The following CLTCL1 variants were observed in gnomAD, a reference collection of about 807,000 sequenced individuals.
CLTCL1 encodes clathrin heavy chain like 1.
CLTCL1 carries 159 observed loss-of-function variants against 190.0 expected under a neutral mutation model. The ratio of observed to expected loss-of-function variants is 0.84; its 90% CI spans 0.74 to 0.95. CLTCL1 has a LOEUF of 0.95. Among genes scored for constraint, CLTCL1 ranks in the 40% least tolerant of loss-of-function variants. CLTCL1 has a pLI of 0.00. For missense variants in CLTCL1, 1,878 were observed against 2,033.4 expected (o/e 0.92, Z 1.47); for synonymous variants, 752 against 769.6 (o/e 0.98, Z 0.38).
At chr22:19,187,205 A>G (rs2084342481) in intron 29 of CLTCL1, among the ~76,000 whole-genome samples, 1 of 152,104 alleles carries the variant, frequency 6.6e-6, no homozygotes, top group South Asian at 2.1e-4. Context: ...ATTACAGGGA[A>G]GTTCCCAAAT....
chr22:19,285,815 C>T (rs116660488), intron 1 of CLTCL1, among the ~76,000 whole-genome samples: 25 of 152,288 alleles, frequency 1.6e-4, no homozygotes, highest in African/African-American at 5.8e-4. Flanking sequence ...GTGCCAGCAA[C>T]TACTACCCTA....
At chr22:19,186,366 A>C (rs1229483164) in intron 29 of CLTCL1, among the ~76,000 whole-genome samples, 1 of 151,910 alleles carries the variant, frequency 6.6e-6, no homozygotes, top group African/African-American at 2.4e-5. Context: ...CAAGCAGAGG[A>C]TGTTAATGCC....
intron 5 of CLTCL1, chr22:19,238,455 CT>C: frequency 5.5e-6 from 1 of 183,220 alleles, no homozygotes; most frequent in South Asian, 1.2e-4. Context: ...GACTCTGTGC[CT>C]TTGACACTTC....
chr22:19,217,343 G>A (rs1190847824), intron 18 of CLTCL1, among the ~76,000 whole-genome samples: 2 of 152,240 alleles, frequency 1.3e-5, no homozygotes, highest in South Asian at 2.1e-4. Context: ...GAGGCCGGCC[G>A]CGGTGGCTCA....
intron 1 of CLTCL1, among the ~76,000 whole-genome samples, chr22:19,281,470 T>A (rs894071033): frequency 2.6e-5 from 4 of 152,128 alleles, no homozygotes; most frequent in African/African-American, 9.7e-5. Context: ...AACAAAGAGT[T>A]CTCTCTTGGT....
At chr22:19,256,782 G>A (rs2086775980) in intron 2 of CLTCL1, among the ~76,000 whole-genome samples, 1 of 151,854 alleles carries the variant, frequency 6.6e-6, no homozygotes, top group African/African-American at 2.4e-5. Context: ...TAACAGGTGT[G>A]AGCCACCACC....
chr22:19,227,789 G>T (rs574596263), intron 11 of CLTCL1, among the ~76,000 whole-genome samples: 3 of 152,038 alleles, frequency 2.0e-5, no homozygotes, highest in Non-Finnish European at 2.9e-5. Context: ...GTAGAGATGG[G>T]GTTTGGCCGT....
chr22:19,266,278 A>T (rs2087121927), intron 2 of CLTCL1, among the ~76,000 whole-genome samples: 1 of 152,222 alleles, frequency 6.6e-6, no homozygotes, highest in African/African-American at 2.4e-5. Context: ...AAGAAATTAA[A>T]AGAAGCGAAT....
intron 27 of CLTCL1, among the ~76,000 whole-genome samples, 188 bp from the exon 28 acceptor site, chr22:19,188,279 G>A (rs1555929546): frequency 2.6e-5 from 4 of 152,224 alleles, no homozygotes; most frequent in African/African-American, 9.6e-5. Flanking sequence ...GCGATTCAGT[G>A]GATGCCAATG....
At chr22:19,203,188 G>A (rs1211472323) in intron 22 of CLTCL1, among the ~76,000 whole-genome samples, 1 of 152,110 alleles carries the variant, frequency 6.6e-6, no homozygotes, top group Non-Finnish European at 1.5e-5. Context: ...GGTGGCGGGC[G>A]CCTGTAATCC....
chr22:19,179,896 T>C lies in CLTCL1; in HGVS notation c.*94A>G, dbSNP rs712958. 0.65 allele frequency: 287,843 copies of C among 440,688 alleles called. 97,123 individuals are homozygous for C. Among genetic ancestry groups the C allele is most frequent in the African/African-American group, 0.88 (44,483 of 50,826 alleles). The allele number at this position is 440,688 out of a possible 1,614,324, so 27.3% of individuals were successfully genotyped here. Reference sequence around the variant, plus strand: ...GCCCACTACACGCGGAAGTTGTACATTGGAGGCTGGCGAAGTTGGGAGCAG... The same window carrying C: ...GCCCACTACACGCGGAAGTTGTACACTGGAGGCTGGCGAAGTTGGGAGCAG... On this transcript the variant is annotated 3_prime_UTR_variant, in exon 33 of 33. Coordinates refer to ENST00000427926, the MANE Select transcript of CLTCL1 (RefSeq NM_007098.4).
At chr22:19,190,289 C>T (rs1555930850) in intron 27 of CLTCL1, among the ~76,000 whole-genome samples, 7 of 152,110 alleles carry the variant, frequency 4.6e-5, no homozygotes, top group Admixed American at 4.6e-4. Flanking sequence ...GCTGTTGTGT[C>T]TCAGGGAATA....
rs782318736 is a variant in CLTCL1, at chr22:19,188,025, TCA to T, written c.4388_4389del (p.Val1463GlufsTer2). The stretch of plus-strand genomic sequence containing the variant: ...GTCAGCAGGTGGTTGAGTGCCTCAT[TCA>T]CACTCTTGTTGTTGTGGCTCTGGAC... ...RSVQSHNNKS[V>X]NEALNHLLTE... is the part of the protein sequence containing the mutation. On this transcript the variant is annotated frameshift_variant, in exon 28 of 33. Transcript: ENST00000427926. LOFTEE classifies it high-confidence loss of function. 6.2e-7 allele frequency: 1 copy of T among 1,614,048 alleles called. No individual in the cohort carries two copies. Among genetic ancestry groups the T allele is most frequent in the South Asian group, 1.1e-5 (1 of 91,086 alleles).
chr22:19,269,258 A>G (rs7410403), intron 2 of CLTCL1, among the ~76,000 whole-genome samples: 132,415 of 152,032 alleles, frequency 0.87, 58,086 homozygotes, highest in East Asian at 1. Flanking sequence ...AAATTAGCCA[A>G]GCGCAATGGC....
At position 19,216,165 on chromosome 22, in the gene CLTCL1, A is replaced by C. The variant is rs1555949340; in HGVS notation, c.3011T>G (p.Leu1004Arg). Residue 1004 changes from leucine to arginine, a missense_variant, in exon 19 of 33, where the codon CTG becomes CGG. Physicochemically the swap from Leu to Arg is moderately radical, Grantham distance 102. Coordinates refer to ENST00000427926, the MANE Select transcript of CLTCL1 (RefSeq NM_007098.4). ...AFMTADLPNE[L>R]IELLEKIVLD... ...AACTATCTTCTCCAGCAGTTCAATC[A>C]GTTCATTAGGCAGGTCGGCTGTCAT... 6.2e-7 allele frequency: 1 copy of C among 1,613,988 alleles called. No individual in the cohort carries two copies. Among genetic ancestry groups the C allele is most frequent in the Non-Finnish European group, 8.5e-7 (1 of 1,179,850 alleles).
At position 19,196,505 on chromosome 22, in the gene CLTCL1, C is replaced by A; in HGVS notation, c.4025G>T (p.Arg1342Leu). ...ACACGGTACCTTTGGGATGTTGACA[C>A]GGGACCAGAAAAGCTCCAGATGCTC... is the stretch of plus-strand genomic sequence containing the variant. ...MLEHLELFWS[R>L]VNIPKVLRAA... The change falls in exon 25 of 33, where the codon CGT becomes CTT. Residue 1342 changes from arginine (R) to leucine (L), a missense_variant. Coordinates refer to ENST00000427926, the MANE Select transcript of CLTCL1 (RefSeq NM_007098.4). The A allele has an allele frequency of 6.2e-7, 1 of 1,614,072 alleles. No homozygotes were observed. The highest frequency in any genetic ancestry group is 8.5e-7 in the Non-Finnish European group (1 of 1,179,902).
At chr22:19,201,815 G>A (rs190203181) in intron 22 of CLTCL1, among the ~76,000 whole-genome samples, 1 of 152,192 alleles carries the variant, frequency 6.6e-6, no homozygotes, top group Non-Finnish European at 1.5e-5. Flanking sequence ...CTTCCAAGCC[G>A]TTCCCCTTCC....
At chr22:19,201,872 C>T (rs1273720558) in intron 22 of CLTCL1, among the ~76,000 whole-genome samples, 2 of 152,160 alleles carry the variant, frequency 1.3e-5, no homozygotes, top group Non-Finnish European at 2.9e-5. Flanking sequence ...AGGTATCACT[C>T]ACCAGCCCTA....
chr22:19,211,708 A>G (rs2085227602), intron 19 of CLTCL1, among the ~76,000 whole-genome samples: 1 of 148,322 alleles, frequency 6.7e-6, no homozygotes, highest in Non-Finnish European at 1.5e-5. Context: ...CAGAGGTTGC[A>G]GTGAGCTGAG....
Sources: gnomAD v4.1 joint callset for allele counts (sites outside exome capture counted in the v4.1 genomes callset) on GRCh38, gnomAD v4.1.1 for gene constraint, MANE v1.5 for transcripts, NCBI Gene and HGNC (gene_info 2026-07-23, HGNC 2026-07-21) for gene names.